VWA1: variants seen among roughly 807,000 people sequenced by gnomAD.
VWA1 encodes von Willebrand factor A domain containing 1, also known as von Willebrand factor A domain-containing protein 1.
In VWA1, 12 loss-of-function variants were observed where a neutral mutation model predicts 14.9. The observed-to-expected ratio is 0.80, with a 90% confidence interval of 0.52 to 1.30. The LOEUF is 1.30. Among genes scored for constraint, VWA1 ranks in the 50% most tolerant of loss-of-function variants. The probability of loss-of-function intolerance (pLI) is 0.00; values close to 1 mark genes in which losing one functional copy is unlikely to be tolerated. For missense variants in VWA1, 800 were observed against 649.1 expected (o/e 1.23, Z -2.53); for synonymous variants, 368 against 310.7 (o/e 1.18, Z -1.94).
rs112464031 is a variant in VWA1, at chr1:1,438,792, T to C, written c.632-289T>C. Among the ~76,000 whole-genome samples the C allele has an allele frequency of 5.7e-4, 87 of 152,308 alleles. 2 individuals carry two copies. The highest frequency in any genetic ancestry group is 1.8e-3 in the African/African-American group (74 of 41,562). On this transcript the variant is annotated intron_variant, in intron 2 of 2. Coordinates refer to ENST00000476993, the MANE Select transcript of VWA1 (RefSeq NM_022834.5). The stretch of plus-strand genomic sequence containing the variant: ...AGGACCTTTGTCCTGGTCACTGATC[T>C]GGCCACTGCACCTCTCCACAAAGGA...
rs765766293 is a variant in VWA1 at position 1,439,371 on chromosome 1, C to A, written c.922C>A (p.Pro308Thr). 14 of 1,512,110 alleles carry A rather than the reference C, an allele frequency of 9.3e-6. No homozygotes were observed. Among genetic ancestry groups the A allele is most frequent in the Non-Finnish European group, 1.2e-5 (14 of 1,136,540 alleles). 93.7% of individuals were successfully genotyped at this position (1,512,110 alleles called of 1,614,324 possible). The change falls in exon 3 of 3, where the codon CCG becomes ACG. Residue 308 changes from proline (P) to threonine (T), a missense_variant. Transcript: ENST00000476993. The part of the protein sequence containing the change: ...RVRTRPGEAG[P>T]GASGPESGAG... ...GCGCACGCGGCCCGGTGAGGCAGGG[C>A]CGGGGGCTTCGGGCCCGGAGTCGGG...
At position 1,439,289 on chromosome 1, in the gene VWA1, C is replaced by G; in HGVS notation, c.840C>G (p.Asp280Glu). The change falls in exon 3 of 3, where the codon GAC becomes GAG. Residue 280 changes from aspartate to glutamate, a missense_variant. Physicochemically the swap from Asp to Glu is conservative, Grantham distance 45. Coordinates refer to ENST00000476993, the MANE Select transcript of VWA1 (RefSeq NM_022834.5). Reference protein sequence around the residue: ...WAGLDPDTDYDVALVPESNVR... With the variant: ...WAGLDPDTDYEVALVPESNVR... ...GCCTCGACCCGGACACGGACTACGACGTGGCGCTAGTGCCTGAGTCCAACG... is the reference window on the plus strand; with the variant it reads ...GCCTCGACCCGGACACGGACTACGAGGTGGCGCTAGTGCCTGAGTCCAACG... The G allele has an allele frequency of 6.2e-7, 1 of 1,601,346 alleles. No homozygotes were observed. The highest frequency in any genetic ancestry group is 8.5e-7 in the Non-Finnish European group (1 of 1,176,970).
chr1:1,436,910 T>C lies in VWA1; in HGVS notation c.74-17T>C. 1 of 1,560,766 alleles carries C rather than the reference T, an allele frequency of 6.4e-7. No homozygotes were observed. Among genetic ancestry groups the C allele is most frequent in the Non-Finnish European group, 8.7e-7 (1 of 1,151,006 alleles). ...GGGGGCCCACACCTGAGGCTGAGCA[T>C]TCCTCCTTTCCCCCAGGTCCACCAG... On this transcript the variant is annotated splice_polypyrimidine_tract_variant and intron_variant, in intron 1 of 2. Coordinates refer to ENST00000476993, the MANE Select transcript of VWA1 (RefSeq NM_022834.5).
intron 2 of VWA1, among the ~76,000 whole-genome samples, 190 bp from the exon 3 acceptor site, chr1:1,438,891 C>G (rs992949967): frequency 6.6e-6 from 1 of 152,220 alleles, no homozygotes; most frequent in Non-Finnish European, 1.5e-5. Context: ...CCTCCGTCCT[C>G]CCCCAGCCAA....
rs937231295 is a variant in VWA1, at chr1:1,439,979, G to C, written c.*192G>C. On this transcript the variant is annotated 3_prime_UTR_variant, in exon 3 of 3. Transcript: ENST00000476993. ...CCTGGCGCCTGCCCTCCAGGGCTGG[G>C]GCCTCGCCTGGCGGGACCCCGCAGC... 5 of 621,742 alleles carry C rather than the reference G, an allele frequency of 8.0e-6. No individual in the cohort carries two copies. The highest frequency in any genetic ancestry group is 1.0e-5 in the Non-Finnish European group (5 of 483,578). 38.5% of individuals were successfully genotyped at this position (621,742 alleles called of 1,614,324 possible).
At position 1,437,205 on chromosome 1, in the gene VWA1, G is replaced by A; in HGVS notation, c.352G>A (p.Val118Ile). 6.2e-7 allele frequency: 1 copy of A among 1,611,874 alleles called. No homozygotes were observed. Among genetic ancestry groups the A allele is most frequent in the Non-Finnish European group, 8.5e-7 (1 of 1,179,642 alleles). The change falls in exon 2 of 3, where the codon GTC (valine) becomes ATC (isoleucine). Residue 118 changes from valine to isoleucine, a missense_variant. Transcript: ENST00000476993. ...TGACACCCACACTGGCCTGGCGCTGGTCTATGCCAAGGAACAGCTGTTTGC... is the reference window on the plus strand; with the variant it reads ...TGACACCCACACTGGCCTGGCGCTGATCTATGCCAAGGAACAGCTGTTTGC... ...MGDTHTGLAL[V>I]YAKEQLFAEA...
In VWA1 at chr1:1,439,704, G is replaced by A. The variant is rs1480000287; in HGVS notation, c.1255G>A (p.Ala419Thr). Residue 419 changes from alanine (A) to threonine (T), a missense_variant, in exon 3 of 3, where the codon GCC becomes ACC. Transcript: ENST00000476993. ...CCGCGAGAGCGCGCTGTCCGCCAAGGCCTGCACGCCCGACGGCCCGCGCCC... is the reference window on the plus strand; with the variant it reads ...CCGCGAGAGCGCGCTGTCCGCCAAGACCTGCACGCCCGACGGCCCGCGCCC... Reference protein sequence around the residue: ...SGRESALSAKACTPDGPRPRP... With the variant: ...SGRESALSAKTCTPDGPRPRP... The A allele has an allele frequency of 6.1e-5, 73 of 1,200,026 alleles. No homozygotes were observed. Among genetic ancestry groups the A allele is most frequent in the Non-Finnish European group, 7.5e-5 (72 of 961,560 alleles). The allele number at this position is 1,200,026 out of a possible 1,614,324, so 74.3% of individuals were successfully genotyped here.
In VWA1 at chr1:1,439,718, C is replaced by T. The variant is rs1216396585; in HGVS notation, c.1269C>T (p.Asp423=). The T allele has an allele frequency of 8.7e-7, 1 of 1,147,004 alleles. No homozygotes were observed. Among genetic ancestry groups the T allele is most frequent in the Non-Finnish European group, 1.1e-6 (1 of 931,796 alleles). 71.1% of individuals were successfully genotyped at this position (1,147,004 alleles called of 1,614,324 possible). Residue 423 remains aspartate, a synonymous_variant, in exon 3 of 3, where the codon GAC becomes GAT. Coordinates refer to ENST00000476993, the MANE Select transcript of VWA1 (RefSeq NM_022834.5). ...SALSAKACTP[D]GPRPRPRPVP... is the part of the protein sequence containing the mutation. Reference sequence around the variant, plus strand: ...TGTCCGCCAAGGCCTGCACGCCCGACGGCCCGCGCCCGCGCCCACGCCCCG... The same window carrying T: ...TGTCCGCCAAGGCCTGCACGCCCGATGGCCCGCGCCCGCGCCCACGCCCCG...
At position 1,439,739 on chromosome 1, in the gene VWA1, C is replaced by T; in HGVS notation, c.1290C>T (p.Arg430=). The change falls in exon 3 of 3, where the codon CGC becomes CGT. Residue 430 remains arginine (R), a synonymous_variant. Coordinates refer to ENST00000476993, the MANE Select transcript of VWA1 (RefSeq NM_022834.5). ...CCGACGGCCCGCGCCCGCGCCCACG[C>T]CCCGTGCCCCGCGCCCCGACCCCGG... is the stretch of plus-strand genomic sequence containing the variant. ...CTPDGPRPRP[R]PVPRAPTPGT... 1.8e-6 allele frequency: 2 copies of T among 1,102,890 alleles called. No homozygotes were observed. Among genetic ancestry groups the T allele is most frequent in the Non-Finnish European group, 2.2e-6 (2 of 906,462 alleles). The allele number at this position is 1,102,890 out of a possible 1,614,324, so 68.3% of individuals were successfully genotyped here. A position where few individuals can be genotyped will look rare whatever the true frequency, so the allele number is the denominator to read the frequency against.
Position 1,437,471 on chromosome 1 carries a change from G to T in VWA1, c.618G>T (p.Arg206Ser). 1 of 1,603,738 alleles carries T rather than the reference G, an allele frequency of 6.2e-7. No individual in the cohort carries two copies. The highest frequency in any genetic ancestry group is 8.5e-7 in the Non-Finnish European group (1 of 1,172,766). The change falls in exon 2 of 3, where the codon AGG (arginine) becomes AGT (serine). Residue 206 changes from arginine to serine, a missense_variant. Transcript: ENST00000476993. ...TGCACATCATTGTCCAAGAGCTGAG[G>T]GGCTCCATTCTCGGTATGCGGGAGG... ...DDLHIIVQEL[R>S]GSILDAMRPQ...
chr1:1,439,979 G>T lies in VWA1; in HGVS notation c.*192G>T, dbSNP rs937231295. On this transcript the variant is annotated 3_prime_UTR_variant, in exon 3 of 3. Transcript: ENST00000476993. ...CCTGGCGCCTGCCCTCCAGGGCTGG[G>T]GCCTCGCCTGGCGGGACCCCGCAGC... The T allele has an allele frequency of 5.3e-5, 33 of 621,862 alleles. No individual in the cohort carries two copies. In the African/African-American group the frequency reaches 5.9e-4, roughly 11 times the overall value. The allele number at this position is 621,862 out of a possible 1,614,324, so 38.5% of individuals were successfully genotyped here.
At chr1:1,436,890 C>T (rs1220500426) in intron 1 of VWA1, 37 bp from the exon 2 acceptor site, 2 of 1,534,696 alleles carry the variant, frequency 1.3e-6, no homozygotes, top group Admixed American at 4.0e-5. Flanking sequence ...GTCTGGGGGG[C>T]CCACACCTGA....
At chr1:1,438,687 G>A (rs1480913343) in intron 2 of VWA1, among the ~76,000 whole-genome samples, 1 of 152,130 alleles carries the variant, frequency 6.6e-6, no homozygotes, top group Non-Finnish European at 1.5e-5. Context: ...GAGCCGGGCT[G>A]ACCTCAGACC....
rs1638629502 is a variant in VWA1, at chr1:1,439,875, G to T, written c.*88G>T. ...CGGAGCGGAGGCGCCCAACCCGGCA[G>T]ACGGGTGCAGGCCCGGCCTTTCCCC... On this transcript the variant is annotated 3_prime_UTR_variant, in exon 3 of 3. Coordinates refer to ENST00000476993, the MANE Select transcript of VWA1 (RefSeq NM_022834.5). 2 of 1,030,306 alleles carry T rather than the reference G, an allele frequency of 1.9e-6. No individual in the cohort carries two copies. The highest frequency in any genetic ancestry group is 4.7e-4 in the Middle Eastern group (1 of 2,120). 63.8% of individuals were successfully genotyped at this position (1,030,306 alleles called of 1,614,324 possible).
chr1:1,440,671 CG>C lies in VWA1; in HGVS notation c.*885del, dbSNP rs1638651017. 6.0e-6 allele frequency: 1 copy of C among 166,858 alleles called. No homozygotes were observed. The highest frequency in any genetic ancestry group is 2.4e-5 in the African/African-American group (1 of 41,448). The allele number at this position is 166,858 out of a possible 1,614,324, so 10.3% of individuals were successfully genotyped here. A position where few individuals can be genotyped will look rare whatever the true frequency, so the allele number is the denominator to read the frequency against. On this transcript the variant is annotated 3_prime_UTR_variant, in exon 3 of 3. Coordinates refer to ENST00000476993, the MANE Select transcript of VWA1 (RefSeq NM_022834.5). ...GGGGTGCCTAGCCAGGTGCAGTCCC[CG>C]CCCCGCCTAGTCCTCGGCGTCACGC...
At chr1:1,439,014 C>G (rs1638600582) in intron 2 of VWA1, 67 bp from the exon 3 acceptor site, 3 of 1,516,980 alleles carry the variant, frequency 2.0e-6, no homozygotes, top group Non-Finnish European at 2.6e-6. Context: ...CCCCATCAGC[C>G]AGGGCCGCCC....
rs770092799 is a variant in VWA1, at chr1:1,435,741, C to G, written c.-8C>G. The G allele has an allele frequency of 8.3e-7, 1 of 1,207,764 alleles. No homozygotes were observed. Among genetic ancestry groups the G allele is most frequent in the Non-Finnish European group, 1.0e-6 (1 of 966,162 alleles). The allele number at this position is 1,207,764 out of a possible 1,614,324, so 74.8% of individuals were successfully genotyped here. ...GAGTTGCCGAGCGCGCCCCGTCCCT[C>G]GCGCGCGATGCTCCCCTGGACGGCG... On this transcript the variant is annotated 5_prime_UTR_variant, in exon 1 of 3. Coordinates refer to ENST00000476993, the MANE Select transcript of VWA1 (RefSeq NM_022834.5).
rs1274892941 is a variant in VWA1 at position 1,440,839 on chromosome 1, C to G, written c.*1052C>G. 6.6e-6 allele frequency: 1 copy of G among 152,612 alleles called. No homozygotes were observed. Among genetic ancestry groups the G allele is most frequent in the Non-Finnish European group, 1.5e-5 (1 of 68,124 alleles). The allele number at this position is 152,612 out of a possible 1,614,324, so 9.5% of individuals were successfully genotyped here. ...CCGACAGGACAGCTTGTGAACGTCT[C>G]CGCCTTTTGGGGTGTCCGGGGAGAG... On this transcript the variant is annotated 3_prime_UTR_variant, in exon 3 of 3. Coordinates refer to ENST00000476993, the MANE Select transcript of VWA1 (RefSeq NM_022834.5).
At chr1:1,438,937 T>A in intron 2 of VWA1, 144 bp from the exon 3 acceptor site, 2 of 1,328,140 alleles carry the variant, frequency 1.5e-6, no homozygotes, top group Non-Finnish European at 2.0e-6. Flanking sequence ...CTGCGGGGCA[T>A]GGCTCCAGCA....
Sources: gnomAD v4.1 joint callset for allele counts (sites outside exome capture counted in the v4.1 genomes callset) on GRCh38, gnomAD v4.1.1 for gene constraint, MANE v1.5 for transcripts, NCBI Gene and HGNC (gene_info 2026-07-23, HGNC 2026-07-21) for gene names.